The following KIAA0825 variants were observed in gnomAD, a reference collection of about 807,000 sequenced individuals.
KIAA0825 encodes the protein uncharacterized protein KIAA0825.
In KIAA0825, 119 loss-of-function variants were observed where a neutral mutation model predicts 147.6. The ratio of observed to expected loss-of-function variants is 0.81; its 90% CI spans 0.69 to 0.94. The LOEUF (loss-of-function observed/expected upper bound fraction) is 0.94, where lower values mean the gene tolerates loss of function less well. Among genes scored for constraint, KIAA0825 ranks in the 40% least tolerant of loss-of-function variants. The pLI is 0.00. For synonymous variants in KIAA0825, 470 were observed against 518.1 expected (o/e 0.91, Z 1.26); for missense variants, 1,381 against 1,472.7 (o/e 0.94, Z 1.02).
chr5:94,315,112 C>T (rs894501873), intron 20 of KIAA0825, among the ~76,000 whole-genome samples: 4 of 151,722 alleles, frequency 2.6e-5, no homozygotes, highest in East Asian at 1.9e-4. Flanking sequence ...CAGTTCTAAA[C>T]GTGTCATATC....
At chr5:94,260,215 G>A (rs1003201125) in intron 20 of KIAA0825, among the ~76,000 whole-genome samples, 1 of 152,088 alleles carries the variant, frequency 6.6e-6, no homozygotes. Context: ...TGAGGGAAGT[G>A]TATTAGAGAC....
At chr5:94,365,129 G>A (rs1745656530) in intron 20 of KIAA0825, among the ~76,000 whole-genome samples, 1 of 152,152 alleles carries the variant, frequency 6.6e-6, no homozygotes, top group African/African-American at 2.4e-5. Flanking sequence ...GGGCCCTCAA[G>A]CCTGTCTGTA....
intron 20 of KIAA0825, among the ~76,000 whole-genome samples, chr5:94,267,472 A>C (rs1023483163): frequency 2.0e-5 from 3 of 152,168 alleles, no homozygotes; most frequent in Admixed American, 1.3e-4. Flanking sequence ...AACAGTTTTT[A>C]AGACAATGGG....
intron 14 of KIAA0825, among the ~76,000 whole-genome samples, chr5:94,427,057 TA>T (rs1754982562): frequency 6.6e-6 from 1 of 152,044 alleles, no homozygotes; most frequent in Admixed American, 6.6e-5. Context: ...GTCTTGTATA[TA>T]AAAAAAATTT....
At chr5:94,243,873 T>G (rs1775475611) in intron 20 of KIAA0825, among the ~76,000 whole-genome samples, 1 of 152,210 alleles carries the variant, frequency 6.6e-6, no homozygotes, top group South Asian at 2.1e-4. Context: ...TTAGCAGTTT[T>G]TACCACAAAA....
intron 20 of KIAA0825, among the ~76,000 whole-genome samples, chr5:94,207,951 C>T (rs1293511958): frequency 6.6e-6 from 1 of 152,136 alleles, no homozygotes; most frequent in African/African-American, 2.4e-5. Context: ...CATTAATCAT[C>T]ATACAGAGCT....
chr5:94,246,719 A>T (rs1211811949), intron 20 of KIAA0825, among the ~76,000 whole-genome samples: 1 of 152,138 alleles, frequency 6.6e-6, no homozygotes, highest in African/African-American at 2.4e-5. Flanking sequence ...TGTGCTAGGT[A>T]TTGATATTTT....
At chr5:94,558,284 T>A (rs921193597) in intron 2 of KIAA0825, among the ~76,000 whole-genome samples, 1 of 152,160 alleles carries the variant, frequency 6.6e-6, no homozygotes, top group African/African-American at 2.4e-5. Context: ...GAGCAAGGAC[T>A]CCCTGGTAAC....
intron 20 of KIAA0825, among the ~76,000 whole-genome samples, chr5:94,234,228 G>A (rs946320495): frequency 5.3e-5 from 8 of 151,914 alleles, no homozygotes; most frequent in South Asian, 2.1e-4. Flanking sequence ...AAAATTAGCC[G>A]GGCGTGGTGG....
intron 5 of KIAA0825, among the ~76,000 whole-genome samples, chr5:94,512,414 A>G (rs1766618672): frequency 6.6e-6 from 1 of 152,238 alleles, no homozygotes; most frequent in South Asian, 2.1e-4. Context: ...GCTTATAAAC[A>G]TTTTAATATG....
intron 14 of KIAA0825, among the ~76,000 whole-genome samples, chr5:94,423,655 T>G (rs1742414253): frequency 6.6e-6 from 1 of 152,174 alleles, no homozygotes; most frequent in African/African-American, 2.4e-5. Flanking sequence ...TGTAGAAGAG[T>G]GTGCCATGAG....
intron 5 of KIAA0825, among the ~76,000 whole-genome samples, chr5:94,517,561 C>T (rs17083775): frequency 0.21 from 31,725 of 151,670 alleles, 3,558 homozygotes; most frequent in East Asian, 0.33. Context: ...AAGGTATAAG[C>T]ATGGAAAGGT....
At position 94,516,188 on chromosome 5, in the gene KIAA0825, T is replaced by C. The variant is rs532529792; in HGVS notation, c.970+4060A>G. Among the ~76,000 whole-genome samples, 18 of 152,282 alleles carry C rather than the reference T, an allele frequency of 1.2e-4. No homozygotes were observed. The East Asian group carries it at 2.9e-3, about 24-fold the overall frequency. On this transcript the variant is annotated intron_variant, in intron 5 of 20. Transcript: ENST00000682413. ...TGTCTGGTACCTTATCATAGAAAAA[T>C]GGCTAGAGAGATTGTCACCATATTT...
intron 7 of KIAA0825, among the ~76,000 whole-genome samples, chr5:94,474,246 G>A (rs1761576916): frequency 6.6e-6 from 1 of 152,000 alleles, no homozygotes; most frequent in Admixed American, 6.6e-5. Flanking sequence ...TTTTTCCTTT[G>A]GTCTATGGCT....
intron 14 of KIAA0825, among the ~76,000 whole-genome samples, chr5:94,429,628 C>T (rs181550522): frequency 5.9e-5 from 9 of 152,262 alleles, no homozygotes; most frequent in South Asian, 4.1e-4. Context: ...TGGGTTGATT[C>T]GTGAGATGTA....
intron 20 of KIAA0825, among the ~76,000 whole-genome samples, chr5:94,356,769 C>G (rs2913723): frequency 0.37 from 50,613 of 135,344 alleles, 9,834 homozygotes; most frequent in African/African-American, 0.49. Context: ...CTGTCGCCCA[C>G]GCTGGAGTAC....
intron 2 of KIAA0825, chr5:94,570,315 C>T (rs1440102262): frequency 6.5e-6 from 1 of 153,870 alleles, no homozygotes; most frequent in Non-Finnish European, 1.4e-5. Flanking sequence ...TACACCCTGA[C>T]TAACCCCCTA....
intron 1 of KIAA0825, among the ~76,000 whole-genome samples, chr5:94,611,062 T>G (rs1788677091): frequency 6.6e-6 from 1 of 151,938 alleles, no homozygotes; most frequent in Non-Finnish European, 1.5e-5. Context: ...ATGGCTAAAG[T>G]CAGGGAAGTG....
At chr5:94,378,624 T>C (rs1379278018) in intron 20 of KIAA0825, among the ~76,000 whole-genome samples, 1 of 152,258 alleles carries the variant, frequency 6.6e-6, no homozygotes, top group Non-Finnish European at 1.5e-5. Flanking sequence ...ATAAACCCAG[T>C]AATGGGATTG....
Sources: allele counts gnomAD v4.1 joint callset (sites outside exome capture counted in the v4.1 genomes callset), GRCh38; gene constraint gnomAD v4.1.1; transcripts MANE v1.5; gene names NCBI Gene and HGNC (gene_info 2026-07-23, HGNC 2026-07-21).